The following COL8A2 variants were observed in gnomAD, a reference collection of about 807,000 sequenced individuals.
COL8A2 encodes collagen alpha-2(VIII) chain.
A neutral mutation model predicts 24.0 loss-of-function variants in COL8A2; 16 were observed. That is an observed-to-expected ratio of 0.67 (90% CI 0.45 to 1.01). The LOEUF is 1.01. Ranked by LOEUF, COL8A2 falls within the 50% of genes least tolerant of loss-of-function variation. The probability of loss-of-function intolerance (pLI) is 0.00; values close to 1 mark genes in which losing one functional copy is unlikely to be tolerated. For synonymous variants in COL8A2, 466 were observed against 424.5 expected (o/e 1.10, Z -1.20); for missense variants, 818 against 942.4 (o/e 0.87, Z 1.73).
In COL8A2 at chr1:36,125,012, G is replaced by C. The variant is rs1232890190; in HGVS notation, c.-62+45C>G. 7 of 857,012 alleles carry C rather than the reference G, an allele frequency of 8.2e-6. No homozygotes were observed. The highest frequency in any genetic ancestry group is 3.6e-5 in the African/African-American group (2 of 54,858). The allele number at this position is 857,012 out of a possible 1,614,324, so 53.1% of individuals were successfully genotyped here. On this transcript the variant is annotated intron_variant, in intron 1 of 3. Transcript: ENST00000397799. This position sits in a 1 kb window ranked among gnomAD's most constrained non-coding sequence, Gnocchi z 4.5. ...GAAGCCCAGCCCAGGTCTTGCCCTC[G>C]GAGCCCCCCAGCCCGAGCCCCGGTG... is the stretch of plus-strand genomic sequence containing the variant.
In COL8A2 at chr1:36,099,132, G is replaced by C; in HGVS notation, c.549C>G (p.Pro183=). The change falls in exon 4 of 4, where the codon CCC becomes CCG. Residue 183 remains proline (P), a synonymous_variant. Coordinates refer to ENST00000397799, the MANE Select transcript of COL8A2 (RefSeq NM_005202.4). The stretch of plus-strand genomic sequence containing the variant: ...GCCCTGGTTCCCCCTGGAATCCTGG[G>C]GGCCCTGGCACCCCTTGGGCACCTG... ...GKPGAQGVPG[P]PGFQGEPGPQ... 2.0e-6 allele frequency: 3 copies of C among 1,507,116 alleles called. No individual in the cohort carries two copies. Among genetic ancestry groups the C allele is most frequent in the Non-Finnish European group, 2.7e-6 (3 of 1,130,244 alleles). 93.4% of individuals were successfully genotyped at this position (1,507,116 alleles called of 1,614,324 possible).
Position 36,097,731 on chromosome 1 carries a change from C to T in COL8A2, c.1950G>A (p.Glu650=), listed in dbSNP as rs775111340. ...CCTGGTCCAGGTAGCCCTTCTTGTACTCATCGTAGGTATAGGTGGCCGGCA... is the reference window on the plus strand; with the variant it reads ...CCTGGTCCAGGTAGCCCTTCTTGTATTCATCGTAGGTATAGGTGGCCGGCA... ...NNVPATYTYD[E]YKKGYLDQAS... Residue 650 remains glutamate (E), a synonymous_variant, in exon 4 of 4, where the codon GAG becomes GAA. Coordinates refer to ENST00000397799, the MANE Select transcript of COL8A2 (RefSeq NM_005202.4). 1.9e-6 allele frequency: 3 copies of T among 1,606,784 alleles called. No individual in the cohort carries two copies. The highest frequency in any genetic ancestry group is 2.6e-6 in the Non-Finnish European group (3 of 1,176,202).
chr1:36,109,389 C>T (rs141536994), intron 2 of COL8A2, among the ~76,000 whole-genome samples: 5 of 152,214 alleles, frequency 3.3e-5, no homozygotes, highest in African/African-American at 9.6e-5. Context: ...TGGCTCAGGC[C>T]CTCCCTATCA....
Position 36,095,706 on chromosome 1 carries a change from A to G in COL8A2, c.*1863T>C, listed in dbSNP as rs1643551867. On this transcript the variant is annotated 3_prime_UTR_variant, in exon 4 of 4. Transcript: ENST00000397799. ...TTCCGTGGGCTCCCATTGGGAGCTGATTAATTTCTGCCAATCAGAACCCAT... is the reference window on the plus strand; with the variant it reads ...TTCCGTGGGCTCCCATTGGGAGCTGGTTAATTTCTGCCAATCAGAACCCAT... 1 of 152,056 alleles carries G rather than the reference A, an allele frequency of 6.6e-6. No individual in the cohort carries two copies. The highest frequency in any genetic ancestry group is 2.1e-4 in the South Asian group (1 of 4,824). The allele number at this position is 152,056 out of a possible 1,614,324, so 9.4% of individuals were successfully genotyped here. A position where few individuals can be genotyped will look rare whatever the true frequency, so the allele number is the denominator to read the frequency against.
At position 36,098,241 on chromosome 1, in the gene COL8A2, C is replaced by T. The variant is rs368269488; in HGVS notation, c.1440G>A (p.Pro480=). ...PAGPIGPQGL[P]GLKGEPGLPG... is the part of the protein sequence containing the mutation. ...GCAGGCCTGGTTCCCCCTTCAGGCC[C>T]GGCAGGCCTTGGGGCCCAATAGGGC... The change falls in exon 4 of 4, where the codon CCG becomes CCA. Residue 480 remains proline (P), a synonymous_variant. Coordinates refer to ENST00000397799, the MANE Select transcript of COL8A2 (RefSeq NM_005202.4). 47 of 1,544,008 alleles carry T rather than the reference C, an allele frequency of 3.0e-5. No homozygotes were observed. The highest frequency in any genetic ancestry group is 3.5e-5 in the Non-Finnish European group (40 of 1,144,822).
chr1:36,098,834 G>T lies in COL8A2; in HGVS notation c.847C>A (p.Pro283Thr), dbSNP rs758829549. The change falls in exon 4 of 4, where the codon CCA (proline) becomes ACA (threonine). Residue 283 changes from proline (P) to threonine (T), a missense_variant. Physicochemically the swap from Pro to Thr is conservative, Grantham distance 38. Coordinates refer to ENST00000397799, the MANE Select transcript of COL8A2 (RefSeq NM_005202.4). ...GGTCCTGGCAACCCTGCTGCCCCTG[G>T]GACTCCCACACCGTCTACTCCAGGA... is the stretch of plus-strand genomic sequence containing the variant. ...GPPGVDGVGV[P>T]GAAGLPGPQG... The T allele has an allele frequency of 5.6e-6, 9 of 1,612,188 alleles. No homozygotes were observed. The highest frequency in any genetic ancestry group is 7.6e-6 in the Non-Finnish European group (9 of 1,179,738).
intron 1 of COL8A2, among the ~76,000 whole-genome samples, chr1:36,122,939 C>T (rs1348630359): frequency 6.6e-6 from 1 of 152,156 alleles, no homozygotes; most frequent in Non-Finnish European, 1.5e-5. Context: ...TGAAGCTTCC[C>T]CCTCCACACC....
intron 1 of COL8A2, among the ~76,000 whole-genome samples, chr1:36,117,937 A>G (rs904463170): frequency 1.3e-5 from 2 of 152,072 alleles, no homozygotes; most frequent in Non-Finnish European, 1.5e-5. Context: ...TTCACCATAC[A>G]GATGATTTGA....
chr1:36,098,340 T>A lies in COL8A2; in HGVS notation c.1341A>T (p.Lys447Asn). ...GCTGCCCAGGGAGCCCCAAGTCACCTTTCTGCCCCAGGGCTCCTGCCACCC... is the reference window on the plus strand; with the variant it reads ...GCTGCCCAGGGAGCCCCAAGTCACCATTCTGCCCCAGGGCTCCTGCCACCC... ...GPGVAGALGQ[K>N]GDLGLPGQPG... The change falls in exon 4 of 4, where the codon AAA (lysine) becomes AAT (asparagine). Residue 447 changes from lysine (K) to asparagine (N), a missense_variant. By Grantham distance (94) the Lys-to-Asn change is moderately conservative. Around this residue, in one of 3 missense-constraint regions of COL8A2, gnomAD observed 573 missense variants for 616.8 expected, o/e 0.93. Transcript: ENST00000397799. The A allele has an allele frequency of 6.4e-7, 1 of 1,550,674 alleles. No homozygotes were observed. Among genetic ancestry groups the A allele is most frequent in the Non-Finnish European group, 8.7e-7 (1 of 1,147,742 alleles).
chr1:36,122,588 A>G (rs1183753884), intron 1 of COL8A2, among the ~76,000 whole-genome samples: 2 of 151,890 alleles, frequency 1.3e-5, no homozygotes, highest in Non-Finnish European at 2.9e-5. Context: ...GGCCACAGCC[A>G]TCCAGTGCAA....
rs116335869 is a variant in COL8A2, at chr1:36,107,993, C to T, written c.-17+7715G>A. ...TCCACCTCTTTCCACCACGCTCCCC[C>T]ACTCTGCCCTGTACAGGGCTTGGCT... On this transcript the variant is annotated intron_variant, in intron 2 of 3. Transcript: ENST00000397799. 5.1e-3 allele frequency among the ~76,000 whole-genome samples: 780 copies of T among 152,312 alleles called. 6 individuals carry two copies. The highest frequency in any genetic ancestry group is 0.018 in the African/African-American group (749 of 41,558).
chr1:36,105,299 C>T (rs1463904392), intron 2 of COL8A2, among the ~76,000 whole-genome samples: 1 of 152,204 alleles, frequency 6.6e-6, no homozygotes, highest in Admixed American at 6.5e-5. Flanking sequence ...GCAACACTTG[C>T]CACATCTGTC....
intron 2 of COL8A2, among the ~76,000 whole-genome samples, chr1:36,109,594 T>G (rs1342431921): frequency 1.3e-5 from 2 of 151,938 alleles, no homozygotes; most frequent in Non-Finnish European, 2.9e-5. Flanking sequence ...TTTTTTTTTT[T>G]TTCTTTTGAG....
chr1:36,108,467 G>A (rs769873454), intron 2 of COL8A2, among the ~76,000 whole-genome samples: 1 of 152,242 alleles, frequency 6.6e-6, no homozygotes, highest in Non-Finnish European at 1.5e-5. Flanking sequence ...GCAGGGGCAC[G>A]GAGCCCGAGG....
chr1:36,105,112 G>T (rs1475683560), intron 2 of COL8A2, among the ~76,000 whole-genome samples: 1 of 152,122 alleles, frequency 6.6e-6, no homozygotes, highest in Admixed American at 6.6e-5. Flanking sequence ...CTAGGTCTGG[G>T]CTTGAGGTCC....
At chr1:36,116,225 G>A (rs916724228) in intron 1 of COL8A2, among the ~76,000 whole-genome samples, 1 of 152,072 alleles carries the variant, frequency 6.6e-6, no homozygotes, top group Non-Finnish European at 1.5e-5. Context: ...CTCCTCCCCT[G>A]AGGGAAGCAG....
intron 2 of COL8A2, among the ~76,000 whole-genome samples, chr1:36,108,484 G>A (rs557827273): frequency 6.6e-6 from 1 of 152,388 alleles, no homozygotes; most frequent in East Asian, 1.9e-4. Context: ...GAGGTGGGAC[G>A]CACACAGGAG....
intron 1 of COL8A2, among the ~76,000 whole-genome samples, chr1:36,121,272 C>A (rs1463257762): frequency 6.7e-6 from 1 of 149,592 alleles, no homozygotes; most frequent in African/African-American, 2.5e-5. Context: ...ACCTGTAGTC[C>A]CAGCTACTCA....
At chr1:36,107,948 C>T (rs1454798585) in intron 2 of COL8A2, among the ~76,000 whole-genome samples, 2 of 152,094 alleles carry the variant, frequency 1.3e-5, no homozygotes, top group African/African-American at 4.8e-5. Flanking sequence ...CGTCATCGCT[C>T]TTGTTTCCCC....
Sources: gnomAD v4.1 joint callset for allele counts (sites outside exome capture counted in the v4.1 genomes callset) on GRCh38, gnomAD v4.1.1 for gene constraint, gnomAD v4.1.1 regional missense constraint, Gnocchi (gnomAD v3.1) non-coding constraint, MANE v1.5 for transcripts, NCBI Gene and HGNC (gene_info 2026-07-23, HGNC 2026-07-21) for gene names.